The following EPB41L4B variants were observed in gnomAD, a reference collection of about 807,000 sequenced individuals.
EPB41L4B encodes the protein erythrocyte membrane protein band 4.1 like 4B, also known as band 4.1-like protein 4B.
EPB41L4B carries 30 observed loss-of-function variants against 112.5 expected under a neutral mutation model. The observed-to-expected ratio is 0.27, with a 90% CI of 0.20 to 0.36. The LOEUF is 0.36. Among genes scored for constraint, EPB41L4B ranks in the 10% least tolerant of loss-of-function variants. The pLI is 1.00. For synonymous variants in EPB41L4B, 408 were observed against 439.7 expected, an observed-to-expected ratio of 0.93 and a Z score of 0.90; for missense variants, 1,024 against 1,133.3, an observed-to-expected ratio of 0.90 and a Z score of 1.38.
At chr9:109,287,864 AG>A (rs1161348402) in intron 1 of EPB41L4B, among the ~76,000 whole-genome samples, 4 of 152,090 alleles carry the variant, frequency 2.6e-5, no homozygotes, top group Admixed American at 6.5e-5. Context: ...AGCCTCCCAA[AG>A]TGCTGGGATT....
At chr9:109,305,815 T>C (rs1398303727) in intron 1 of EPB41L4B, among the ~76,000 whole-genome samples, 3 of 151,980 alleles carry the variant, frequency 2.0e-5, no homozygotes, top group Admixed American at 1.3e-4. Flanking sequence ...TTCCAGCTAC[T>C]TGGGAGGCTG....
At chr9:109,223,330 G>A (rs1375951075) in intron 15 of EPB41L4B, among the ~76,000 whole-genome samples, 1 of 151,652 alleles carries the variant, frequency 6.6e-6, no homozygotes, top group African/African-American at 2.4e-5. Context: ...AGCTACTCAG[G>A]AGGCTTAGAT....
intron 19 of EPB41L4B, among the ~76,000 whole-genome samples, chr9:109,200,962 A>T (rs1360762665): frequency 6.6e-6 from 1 of 152,224 alleles, no homozygotes; most frequent in Non-Finnish European, 1.5e-5. Flanking sequence ...CAAAATAGTA[A>T]TTTTAAGGAA....
At chr9:109,297,445 A>T (rs908857833) in intron 1 of EPB41L4B, among the ~76,000 whole-genome samples, 1 of 152,212 alleles carries the variant, frequency 6.6e-6, no homozygotes, top group Non-Finnish European at 1.5e-5. Context: ...CATGACCCCA[A>T]CAAAGCCCCT....
In EPB41L4B at chr9:109,213,888, A is replaced by G; in HGVS notation, c.1634-70T>C. On this transcript the variant is annotated intron_variant, in intron 16 of 25. Coordinates refer to ENST00000374566, the MANE Select transcript of EPB41L4B (RefSeq NM_019114.5). ...CAGATAGATACAGGGGAAAAGGGACACTTGCCAGCGCCCGATTCCCAGCAC... is the reference window on the plus strand; with the variant it reads ...CAGATAGATACAGGGGAAAAGGGACGCTTGCCAGCGCCCGATTCCCAGCAC... The G allele has an allele frequency of 2.1e-6, 3 of 1,404,662 alleles. No individual in the cohort carries two copies. In the East Asian group the frequency reaches 6.9e-5, roughly 32 times the overall value. The allele number at this position is 1,404,662 out of a possible 1,614,324, so 87.0% of individuals were successfully genotyped here.
At chr9:109,312,512 C>A (rs1837454077) in intron 1 of EPB41L4B, among the ~76,000 whole-genome samples, 1 of 152,140 alleles carries the variant, frequency 6.6e-6, no homozygotes, top group Admixed American at 6.5e-5. Context: ...AGAGCCCTCC[C>A]ACCCCCCTCG....
At chr9:109,241,262 G>A (rs760756818) in intron 15 of EPB41L4B, 22 of 995,232 alleles carry the variant, frequency 2.2e-5, no homozygotes, top group Non-Finnish European at 2.6e-5. Context: ...GCCACACTAG[G>A]GAAACTGGAC....
chr9:109,224,068 G>C (rs1264349484), intron 15 of EPB41L4B, among the ~76,000 whole-genome samples: 3 of 151,122 alleles, frequency 2.0e-5, no homozygotes, highest in Non-Finnish European at 4.4e-5. Flanking sequence ...AATAAACCAG[G>C]GGAAACTCCT....
chr9:109,271,493 ACTTT>A (rs1479253677), intron 2 of EPB41L4B, among the ~76,000 whole-genome samples: 1 of 152,194 alleles, frequency 6.6e-6, no homozygotes, highest in East Asian at 1.9e-4. Flanking sequence ...AAATGATCTG[ACTTT>A]CTTCTTAGCT....
chr9:109,309,862 C>T (rs1368498133), intron 1 of EPB41L4B, among the ~76,000 whole-genome samples: 2 of 152,140 alleles, frequency 1.3e-5, no homozygotes, highest in African/African-American at 4.8e-5. Flanking sequence ...GCCACTAACT[C>T]CCACTATCCT....
chr9:109,311,517 A>AC (rs1332589894), intron 1 of EPB41L4B, among the ~76,000 whole-genome samples: 1 of 152,144 alleles, frequency 6.6e-6, no homozygotes, highest in African/African-American at 2.4e-5. Context: ...GTGGGACAGG[A>AC]CCCTTGGGAT....
intron 1 of EPB41L4B, among the ~76,000 whole-genome samples, chr9:109,288,418 A>C (rs938105629): frequency 6.6e-6 from 1 of 151,984 alleles, no homozygotes; most frequent in Admixed American, 6.6e-5. Flanking sequence ...CCCCATCTAT[A>C]CAGACAATAA....
intron 2 of EPB41L4B, among the ~76,000 whole-genome samples, chr9:109,270,526 G>A (rs948022000): frequency 1.3e-5 from 2 of 152,234 alleles, no homozygotes; most frequent in Non-Finnish European, 2.9e-5. Flanking sequence ...GGCCCCTGGA[G>A]GGGGCTGATA....
At chr9:109,296,898 G>A (rs1836751640) in intron 1 of EPB41L4B, among the ~76,000 whole-genome samples, 1 of 151,336 alleles carries the variant, frequency 6.6e-6, no homozygotes, top group African/African-American at 2.4e-5. Flanking sequence ...AAATGAGGGA[G>A]GTGAGCTCAT....
chr9:109,197,113 A>C (rs1259735208), intron 20 of EPB41L4B, among the ~76,000 whole-genome samples: 2 of 152,202 alleles, frequency 1.3e-5, no homozygotes, highest in African/African-American at 2.4e-5. Context: ...AACTTTATCA[A>C]TATCAAAGAG....
intron 15 of EPB41L4B, among the ~76,000 whole-genome samples, chr9:109,223,270 A>G (rs1407487163): frequency 6.6e-6 from 1 of 151,842 alleles, no homozygotes; most frequent in African/African-American, 2.4e-5. Flanking sequence ...TCCCATTTCC[A>G]CAACAACAAC....
intron 14 of EPB41L4B, among the ~76,000 whole-genome samples, chr9:109,246,609 G>A (rs1834568452): frequency 6.6e-6 from 1 of 152,268 alleles, no homozygotes; most frequent in South Asian, 2.1e-4. Context: ...CGTGATGGGA[G>A]TGGTGAGAAA....
At chr9:109,257,581 G>T (rs926906268) in intron 7 of EPB41L4B, among the ~76,000 whole-genome samples, 1 of 152,192 alleles carries the variant, frequency 6.6e-6, no homozygotes, top group African/African-American at 2.4e-5. Flanking sequence ...GAGTGCCTGG[G>T]ATGCCCTGGG....
At chr9:109,241,022 G>A in intron 15 of EPB41L4B, 2 of 985,102 alleles carry the variant, frequency 2.0e-6, no homozygotes, top group Non-Finnish European at 2.4e-6. Flanking sequence ...CATCTAATAA[G>A]TTATATACTT....
Sources: allele counts gnomAD v4.1 joint callset (sites outside exome capture counted in the v4.1 genomes callset), GRCh38; gene constraint gnomAD v4.1.1; transcripts MANE v1.5; gene names NCBI Gene and HGNC (gene_info 2026-07-23, HGNC 2026-07-21).